Variants in THSD4 observed in about 807,000 individuals in gnomAD.
THSD4 encodes thrombospondin type 1 domain containing 4, also known as thrombospondin type-1 domain-containing protein 4.
Under a neutral mutation model 119.0 loss-of-function variants are expected in THSD4, and 69 were observed. The ratio of observed to expected loss-of-function variants is 0.58; its 90% confidence interval spans 0.48 to 0.71. THSD4 has a LOEUF of 0.71. THSD4 is among the 30% of genes least tolerant of loss of function. The pLI, the probability that THSD4 is intolerant of heterozygous loss-of-function variation, is 0.00. For missense variants in THSD4, 1,393 were observed against 1,391.1 expected (o/e 1.00, Z -0.02); for synonymous variants, 524 against 540.4 (o/e 0.97, Z 0.42).
intron 13 of THSD4, among the ~76,000 whole-genome samples, chr15:71,747,500 G>A (rs887263090): frequency 1.3e-5 from 2 of 152,190 alleles, no homozygotes; most frequent in African/African-American, 2.4e-5. Flanking sequence ...GAAGACACAC[G>A]AACAACGTTG....
intron 8 of THSD4, among the ~76,000 whole-genome samples, chr15:71,704,955 A>C (rs7163037): frequency 0.27 from 41,276 of 152,094 alleles, 6,230 homozygotes; most frequent in African/African-American, 0.39. Context: ...TAAAAAGTCC[A>C]CTTTGGGCCT....
chr15:71,254,014 G>A (rs1177868535), intron 5 of THSD4, among the ~76,000 whole-genome samples: 2 of 152,210 alleles, frequency 1.3e-5, no homozygotes, highest in Non-Finnish European at 2.9e-5. Flanking sequence ...TTTACTCATT[G>A]AGAGAAAGGG....
chr15:71,428,096 G>A (rs2046898041), intron 7 of THSD4, among the ~76,000 whole-genome samples: 1 of 152,146 alleles, frequency 6.6e-6, no homozygotes, highest in Non-Finnish European at 1.5e-5. Flanking sequence ...CTTCAGCAGA[G>A]AAAAGTCCTC....
chr15:71,161,105 G>A (rs1381642871), intron 3 of THSD4, among the ~76,000 whole-genome samples: 1 of 152,056 alleles, frequency 6.6e-6, no homozygotes, highest in African/African-American at 2.4e-5. Context: ...CACCATTGTG[G>A]AATGAAAAGA....
intron 6 of THSD4, among the ~76,000 whole-genome samples, chr15:71,279,547 T>C (rs1211183738): frequency 6.6e-6 from 1 of 152,198 alleles, no homozygotes; most frequent in Non-Finnish European, 1.5e-5. Context: ...TCAGCCTCCT[T>C]CTGCATATGT....
intron 6 of THSD4, among the ~76,000 whole-genome samples, chr15:71,331,397 A>G (rs867899852): frequency 6.6e-6 from 1 of 152,212 alleles, no homozygotes; most frequent in Non-Finnish European, 1.5e-5. Flanking sequence ...TGAAGTTCTC[A>G]TTTGGGGAGA....
At chr15:71,400,245 T>C (rs1170179524) in intron 6 of THSD4, among the ~76,000 whole-genome samples, 2 of 152,168 alleles carry the variant, frequency 1.3e-5, no homozygotes, top group East Asian at 1.9e-4. Flanking sequence ...TGATAAGCTG[T>C]GTGTTTTTGC....
rs2053983795 is a variant in THSD4 at position 71,780,653 on chromosome 15, C to CA, written c.*3280dup. ...GTTGGGGACCCCAGGGAGGGCAAGG[C>CA]AGCCTGTCCCCGCCCCCAGGGAACT... On this transcript the variant is annotated 3_prime_UTR_variant, in exon 18 of 18. Transcript: ENST00000261862. 1 of 456,592 alleles carries CA rather than the reference C, an allele frequency of 2.2e-6. No individual in the cohort carries two copies. 28.3% of individuals were successfully genotyped at this position (456,592 alleles called of 1,614,324 possible).
intron 6 of THSD4, among the ~76,000 whole-genome samples, chr15:71,397,846 T>G (rs755191802): frequency 2.6e-5 from 4 of 152,228 alleles, no homozygotes; most frequent in African/African-American, 4.8e-5. Flanking sequence ...AAGAGTGATA[T>G]GAACTAATAC....
At chr15:71,451,332 G>A (rs1226635891) in intron 7 of THSD4, among the ~76,000 whole-genome samples, 1 of 152,194 alleles carries the variant, frequency 6.6e-6, no homozygotes, top group Non-Finnish European at 1.5e-5. Context: ...GGGAGCGGAG[G>A]TGATTGTCTG....
chr15:71,738,079 G>A, intron 11 of THSD4, 72 bp downstream of exon 11: 2 of 1,558,112 alleles, frequency 1.3e-6, no homozygotes, highest in Non-Finnish European at 1.7e-6. Flanking sequence ...GCCCAAGGCA[G>A]CGGTCCCCGG....
At chr15:71,400,603 G>C (rs2046516274) in intron 6 of THSD4, among the ~76,000 whole-genome samples, 1 of 152,202 alleles carries the variant, frequency 6.6e-6, no homozygotes, top group Non-Finnish European at 1.5e-5. Flanking sequence ...TCCTGGATTA[G>C]TTACTAGACC....
chr15:71,655,310 G>A (rs1051565433), intron 7 of THSD4, among the ~76,000 whole-genome samples: 4 of 152,156 alleles, frequency 2.6e-5, no homozygotes, highest in Admixed American at 2.6e-4. Context: ...GAGGTGTCTT[G>A]ACTTTATGGT....
intron 7 of THSD4, among the ~76,000 whole-genome samples, chr15:71,534,606 T>A (rs2048664134): frequency 6.6e-6 from 1 of 152,250 alleles, no homozygotes; most frequent in Admixed American, 6.5e-5. Context: ...ATTAAAAGAA[T>A]GTGATACTCA....
intron 6 of THSD4, among the ~76,000 whole-genome samples, chr15:71,372,804 T>C (rs1379759399): frequency 6.6e-6 from 1 of 152,250 alleles, no homozygotes; most frequent in East Asian, 1.9e-4. Context: ...TCTTGAAAGC[T>C]GTCAGACAGG....
chr15:71,654,672 G>A (rs534203255), intron 7 of THSD4, among the ~76,000 whole-genome samples: 14 of 152,262 alleles, frequency 9.2e-5, no homozygotes, highest in African/African-American at 3.4e-4. Context: ...AAACGTTTTG[G>A]CATCCATATG....
chr15:71,275,071 C>T (rs1216761442), intron 6 of THSD4, among the ~76,000 whole-genome samples: 1 of 151,986 alleles, frequency 6.6e-6, no homozygotes, highest in African/African-American at 2.4e-5. Context: ...GTCGGGGTGT[C>T]AGTATTCTAG....
chr15:71,454,826 G>C (rs1483854425), intron 7 of THSD4, among the ~76,000 whole-genome samples: 1 of 152,114 alleles, frequency 6.6e-6, no homozygotes, highest in Non-Finnish European at 1.5e-5. Flanking sequence ...AAATTAACAA[G>C]AATTCATTAC....
At chr15:71,477,267 T>A (rs7342592) in intron 7 of THSD4, among the ~76,000 whole-genome samples, 114,258 of 152,160 alleles carry the variant, frequency 0.75, 43,079 homozygotes, top group Admixed American at 0.79. Flanking sequence ...TTCTTCTGTT[T>A]AATGTGAAAT....
Sources: gnomAD v4.1 joint callset for allele counts (sites outside exome capture counted in the v4.1 genomes callset) on GRCh38, gnomAD v4.1.1 for gene constraint, MANE v1.5 for transcripts, NCBI Gene and HGNC (gene_info 2026-07-23, HGNC 2026-07-21) for gene names.